GDAP1: variants seen among roughly 807,000 people sequenced by gnomAD.
GDAP1 encodes ganglioside-induced differentiation-associated protein 1.
A neutral mutation model predicts 40.1 loss-of-function variants in GDAP1; 34 were observed. The observed-to-expected ratio is 0.85, with a 90% CI of 0.64 to 1.13. GDAP1 has a LOEUF of 1.13. Among genes scored for constraint, GDAP1 ranks in the 50% most tolerant of loss-of-function variants. GDAP1 has a pLI of 0.00. For synonymous variants in GDAP1, 170 were observed against 157.4 expected (o/e 1.08, Z -0.60); for missense variants, 374 against 433.7 (o/e 0.86, Z 1.22).
intron 2 of GDAP1, among the ~76,000 whole-genome samples, chr8:74,420,234 A>G (rs1239094816): frequency 1.3e-5 from 2 of 152,124 alleles, no homozygotes; most frequent in Non-Finnish European, 2.9e-5. Flanking sequence ...TTTAAATTAT[A>G]GTGGAGTGTC....
intron 2 of GDAP1, among the ~76,000 whole-genome samples, chr8:74,396,130 C>T (rs10100320): frequency 0.048 from 7,296 of 152,030 alleles, 594 homozygotes; most frequent in African/African-American, 0.17. Flanking sequence ...ACAATAGAAA[C>T]ACTGGAATTT....
chr8:74,439,408 A>G (rs1034456107), intron 2 of GDAP1, among the ~76,000 whole-genome samples: 4 of 151,988 alleles, frequency 2.6e-5, no homozygotes, highest in African/African-American at 9.7e-5. Context: ...TCATCTGCCA[A>G]ATTTTCGTAT....
At chr8:74,463,573 G>A (rs1446182947) in intron 2 of GDAP1, among the ~76,000 whole-genome samples, 1 of 152,072 alleles carries the variant, frequency 6.6e-6, no homozygotes, top group Non-Finnish European at 1.5e-5. Flanking sequence ...GCTATGGAAA[G>A]TTTTAATAAA....
chr8:74,470,499 T>C (rs139626129), intron 2 of GDAP1, among the ~76,000 whole-genome samples: 1,756 of 152,138 alleles, frequency 0.012, 25 homozygotes, highest in African/African-American at 0.04. Flanking sequence ...TGAGAACATG[T>C]GGTGTCTGGT....
At position 74,364,156 on chromosome 8, in the gene GDAP1, T is replaced by A; in HGVS notation, c.866T>A (p.Phe289Tyr). 2 of 1,614,118 alleles carry A rather than the reference T, an allele frequency of 1.2e-6. No homozygotes were observed. The highest frequency in any genetic ancestry group is 4.5e-5 in the East Asian group (2 of 44,880). Residue 289 changes from phenylalanine (F) to tyrosine (Y), a missense_variant, in exon 6 of 6, where the codon TTT (phenylalanine) becomes TAT (tyrosine). By Grantham distance (22) the Phe-to-Tyr change is conservative. Transcript: ENST00000220822. ...GAGCGTGTCTTGAAGAGAAAAACATTTAACAAGGTTTTAGGACATGTCAAC... is the reference window on the plus strand; with the variant it reads ...GAGCGTGTCTTGAAGAGAAAAACATATAACAAGGTTTTAGGACATGTCAAC... ...YYERVLKRKT[F>Y]NKVLGHVNNI...
intron 2 of GDAP1, among the ~76,000 whole-genome samples, chr8:74,413,276 G>A (rs1450945930): frequency 2.7e-5 from 4 of 149,468 alleles, no homozygotes. Context: ...ACTTTGAAAA[G>A]TAGAGTAGCA....
At chr8:74,483,282 C>A (rs1563481820) in intron 2 of GDAP1, among the ~76,000 whole-genome samples, 1 of 152,022 alleles carries the variant, frequency 6.6e-6, no homozygotes, top group Non-Finnish European at 1.5e-5. Context: ...AAGATAAACA[C>A]ACAATAACAG....
intron 2 of GDAP1, among the ~76,000 whole-genome samples, chr8:74,400,549 T>C (rs1810307770): frequency 6.7e-6 from 1 of 150,144 alleles, no homozygotes; most frequent in Non-Finnish European, 1.5e-5. Context: ...TTAGTCCATT[T>C]ACATTTAAAG....
At chr8:74,359,941 T>A (rs972490501) in intron 2 of GDAP1, among the ~76,000 whole-genome samples, 196 bp from the exon 3 acceptor site, 6 of 151,932 alleles carry the variant, frequency 3.9e-5, no homozygotes, top group African/African-American at 1.5e-4. Flanking sequence ...CCAATGTGAT[T>A]ATGGTTTGGG....
intron 2 of GDAP1, among the ~76,000 whole-genome samples, chr8:74,354,158 C>G (rs187535040): frequency 6.6e-6 from 1 of 152,240 alleles, no homozygotes; most frequent in Admixed American, 6.5e-5. Flanking sequence ...ACCAGATTAC[C>G]TCTTCAACTA....
chr8:74,368,544 A>T (rs1809698270), downstream of GDAP1, among the ~76,000 whole-genome samples: 1 of 152,202 alleles, frequency 6.6e-6, no homozygotes, highest in Admixed American at 6.5e-5. Flanking sequence ...TTGCAACATG[A>T]TGTTACAAAC....
intron 2 of GDAP1, among the ~76,000 whole-genome samples, chr8:74,455,443 A>T (rs1187400325): frequency 6.6e-6 from 1 of 151,970 alleles, no homozygotes; most frequent in African/African-American, 2.4e-5. Context: ...ATGTATCCTG[A>T]TATCAGAATT....
intron 2 of GDAP1, among the ~76,000 whole-genome samples, chr8:74,354,523 A>G (rs1809015402): frequency 6.6e-6 from 1 of 152,232 alleles, no homozygotes. Context: ...CTTATAAAAT[A>G]TTTCTTATGG....
At chr8:74,362,092 TAC>T (rs1037629250) in intron 4 of GDAP1, 114 bp downstream of exon 4, 4 of 704,392 alleles carry the variant, frequency 5.7e-6, no homozygotes, top group South Asian at 1.5e-5. Flanking sequence ...AGTTCACCAG[TAC>T]ACATGTTACC....
chr8:74,446,746 G>C (rs1806234071), intron 2 of GDAP1, among the ~76,000 whole-genome samples: 1 of 152,186 alleles, frequency 6.6e-6, no homozygotes, highest in Non-Finnish European at 1.5e-5. Flanking sequence ...ATTAAGTACT[G>C]ATACATGTTA....
intron 2 of GDAP1, among the ~76,000 whole-genome samples, chr8:74,442,488 C>A (rs1051992961): frequency 3.9e-5 from 6 of 152,098 alleles, no homozygotes; most frequent in Non-Finnish European, 8.8e-5. Flanking sequence ...ATTAAGGTCC[C>A]AAATCTTTTA....
At chr8:74,429,020 C>G (rs1286540998) in intron 2 of GDAP1, among the ~76,000 whole-genome samples, 1 of 151,750 alleles carries the variant, frequency 6.6e-6, no homozygotes, top group Non-Finnish European at 1.5e-5. Flanking sequence ...CAGCTTCATC[C>G]ATGTCCCTAC....
Position 74,421,035 on chromosome 8 carries a change from CATAGATAG to C in GDAP1, c.166-67628_166-67621del, listed in dbSNP as rs369089879. Among the ~76,000 whole-genome samples, 646 of 151,802 alleles carry C rather than the reference CATAGATAG, an allele frequency of 4.3e-3. 4 individuals carry two copies. The highest frequency in any genetic ancestry group is 7.1e-3 in the Non-Finnish European group (482 of 67,912). ...GGATAATCAGAAGAGATAGATGATA[CATAGATAG>C]ATAGATAGATAGATGATAGATAGAT... On this transcript the variant is annotated intron_variant, in intron 2 of 2. Transcript: ENST00000523640.
intron 2 of GDAP1, among the ~76,000 whole-genome samples, chr8:74,394,631 T>A (rs958200148): frequency 9.9e-5 from 15 of 151,826 alleles, no homozygotes; most frequent in African/African-American, 3.4e-4. Flanking sequence ...GATTTGTACC[T>A]TGGCTCTACA....
Sources: gnomAD v4.1 joint callset for allele counts (sites outside exome capture counted in the v4.1 genomes callset) on GRCh38, gnomAD v4.1.1 for gene constraint, MANE v1.5 for transcripts, NCBI Gene and HGNC (gene_info 2026-07-23, HGNC 2026-07-21) for gene names.